Variants in STPG2 observed in about 807,000 individuals in gnomAD.
The protein encoded by STPG2 is sperm-tail PG-rich repeat-containing protein 2.
Under a neutral mutation model 54.2 loss-of-function variants are expected in STPG2, and 56 were observed. The observed-to-expected ratio is 1.03, with a 90% CI of 0.83 to 1.29. STPG2 has a LOEUF of 1.29. Among genes scored for constraint, STPG2 ranks in the 50% most tolerant of loss-of-function variants. The pLI, the probability that STPG2 is intolerant of heterozygous loss-of-function variation, is 0.00. For missense variants in STPG2, 596 were observed against 544.9 expected (o/e 1.09, Z -0.93); for synonymous variants, 200 against 181.8 (o/e 1.10, Z -0.81).
intron 9 of STPG2, among the ~76,000 whole-genome samples, chr4:97,775,157 G>C (rs995293242): frequency 2.0e-5 from 3 of 152,224 alleles, no homozygotes. Flanking sequence ...ATATGATAGA[G>C]AAAGGGTAGA....
At chr4:97,715,923 GA>G (rs1431004779) in intron 9 of STPG2, among the ~76,000 whole-genome samples, 1 of 152,124 alleles carries the variant, frequency 6.6e-6, no homozygotes, top group Non-Finnish European at 1.5e-5. Context: ...CAGAATTAGA[GA>G]AAATTTTTGC....
At chr4:97,557,880 G>A (rs1484447533), downstream of STPG2, among the ~76,000 whole-genome samples, 1 of 152,162 alleles carries the variant, frequency 6.6e-6, no homozygotes, top group African/African-American at 2.4e-5. Context: ...ACAGAATAAG[G>A]ATCCTGAAGT....
chr4:97,657,288 C>T (rs78692281), intron 10 of STPG2, among the ~76,000 whole-genome samples: 2,325 of 152,104 alleles, frequency 0.015, 50 homozygotes, highest in African/African-American at 0.053. Context: ...TATTTTATTA[C>T]TCATGCAAAT....
chr4:98,058,785 A>G (rs941169104), intron 5 of STPG2, among the ~76,000 whole-genome samples: 6 of 152,150 alleles, frequency 3.9e-5, no homozygotes, highest in African/African-American at 1.4e-4. Context: ...TCCATGGCAC[A>G]TACTCTAAAA....
At chr4:97,725,240 G>A (rs1724582691) in intron 9 of STPG2, among the ~76,000 whole-genome samples, 1 of 151,810 alleles carries the variant, frequency 6.6e-6, no homozygotes, top group Non-Finnish European at 1.5e-5. Flanking sequence ...CCTACACAGA[G>A]TTGCAAGTCA....
intron 9 of STPG2, among the ~76,000 whole-genome samples, chr4:97,839,898 A>G (rs1407523628): frequency 6.6e-6 from 1 of 151,570 alleles, no homozygotes; most frequent in Non-Finnish European, 1.5e-5. Context: ...CCATATTCTC[A>G]TAAAAATTCA....
intron 8 of STPG2, among the ~76,000 whole-genome samples, chr4:97,859,216 G>A (rs1578629302): frequency 6.6e-6 from 1 of 152,014 alleles, no homozygotes; most frequent in South Asian, 2.1e-4. Context: ...GTCTATTCAT[G>A]TCCTTTGGTC....
At chr4:97,747,328 C>T (rs187057699) in intron 9 of STPG2, among the ~76,000 whole-genome samples, 88 of 151,468 alleles carry the variant, frequency 5.8e-4, no homozygotes, top group African/African-American at 2.0e-3. Context: ...TAAGCAACTT[C>T]TCTCAGGTCT....
chr4:97,979,077 G>C (rs1181694912), intron 6 of STPG2, among the ~76,000 whole-genome samples: 1 of 152,164 alleles, frequency 6.6e-6, no homozygotes, highest in Non-Finnish European at 1.5e-5. Context: ...CTAAGAAAAT[G>C]TAACTGTGGC....
intron 4 of STPG2, among the ~76,000 whole-genome samples, chr4:97,522,286 A>G (rs898221722): frequency 1.3e-5 from 2 of 152,022 alleles, no homozygotes; most frequent in African/African-American, 4.8e-5. Context: ...TGGCATTATC[A>G]TTAGAGTTTA....
chr4:97,485,279 C>A (rs1280073340), intron 4 of STPG2, among the ~76,000 whole-genome samples: 1 of 151,744 alleles, frequency 6.6e-6, no homozygotes, highest in Non-Finnish European at 1.5e-5. Context: ...TCACTGTTTG[C>A]TGACGATATG....
intron 5 of STPG2, among the ~76,000 whole-genome samples, chr4:98,096,833 G>A (rs1738874257): frequency 1.3e-5 from 2 of 152,154 alleles, no homozygotes; most frequent in African/African-American, 2.4e-5. Flanking sequence ...AGGATCATTA[G>A]TGGCTACTAT....
chr4:98,071,186 C>G (rs570990040), intron 5 of STPG2, among the ~76,000 whole-genome samples: 1 of 152,154 alleles, frequency 6.6e-6, no homozygotes, highest in Non-Finnish European at 1.5e-5. Flanking sequence ...ACTACAATAA[C>G]CAAAACAGCA....
chr4:97,912,302 A>G (rs1477200709), intron 8 of STPG2, among the ~76,000 whole-genome samples: 2 of 152,216 alleles, frequency 1.3e-5, no homozygotes, highest in Admixed American at 1.3e-4. Flanking sequence ...AGGGCACAGA[A>G]CTGGGCTGAG....
At chr4:97,984,768 A>C (rs1734780016) in intron 5 of STPG2, among the ~76,000 whole-genome samples, 1 of 151,650 alleles carries the variant, frequency 6.6e-6, no homozygotes, top group Non-Finnish European at 1.5e-5. Context: ...GCTACTTGGG[A>C]CAGAAAAGTC....
At chr4:98,119,136 A>G (rs1739601376) in intron 3 of STPG2, among the ~76,000 whole-genome samples, 1 of 152,152 alleles carries the variant, frequency 6.6e-6, no homozygotes, top group African/African-American at 2.4e-5. Context: ...TGAAATATCT[A>G]TTTAGTCTTA....
intron 9 of STPG2, among the ~76,000 whole-genome samples, chr4:97,741,298 C>A (rs184281500): frequency 1.0e-3 from 152 of 152,266 alleles, no homozygotes; most frequent in Middle Eastern, 3.4e-3. Context: ...AGGATATAGG[C>A]ATGGGCAAGT....
intron 4 of STPG2, among the ~76,000 whole-genome samples, chr4:97,532,458 T>A (rs1731435693): frequency 6.6e-6 from 1 of 152,194 alleles, no homozygotes; most frequent in Non-Finnish European, 1.5e-5. Flanking sequence ...AGAAAAGTTT[T>A]CTTCTACTTG....
intron 10 of STPG2, among the ~76,000 whole-genome samples, chr4:97,574,303 G>A (rs1732668462): frequency 6.6e-6 from 1 of 152,020 alleles, no homozygotes; most frequent in African/African-American, 2.4e-5. Flanking sequence ...CAAGGTTCAT[G>A]GCTGACATCC....
Sources: gnomAD v4.1 joint callset for allele counts (sites outside exome capture counted in the v4.1 genomes callset) on GRCh38, gnomAD v4.1.1 for gene constraint, MANE v1.5 for transcripts, NCBI Gene and HGNC (gene_info 2026-07-23, HGNC 2026-07-21) for gene names.